The following HIKESHI variants were observed in gnomAD, a reference collection of about 807,000 sequenced individuals.
HIKESHI encodes heat shock protein nuclear import factor hikeshi, also known as protein Hikeshi.
Under a neutral mutation model 25.7 loss-of-function variants are expected in HIKESHI, and 13 were observed. The ratio of observed to expected loss-of-function variants is 0.51; its 90% confidence interval spans 0.33 to 0.80. HIKESHI has a LOEUF of 0.80. HIKESHI is among the 30% of genes least tolerant of loss of function. HIKESHI has a pLI of 0.02. For synonymous variants in HIKESHI, 76 were observed against 78.7 expected, an observed-to-expected ratio of 0.97 and a Z score of 0.18; for missense variants, 174 against 229.5, an observed-to-expected ratio of 0.76 and a Z score of 1.56.
chr11:86,345,145 G>C (rs1175965454), intron 4 of HIKESHI: 2 of 1,042,458 alleles, frequency 1.9e-6, no homozygotes, highest in Non-Finnish European at 2.3e-6. Context: ...CCTAGGAAGA[G>C]TTTGTTGAGA....
At chr11:86,315,942 A>G (rs1593825484) in intron 2 of HIKESHI, among the ~76,000 whole-genome samples, 1 of 151,978 alleles carries the variant, frequency 6.6e-6, no homozygotes, top group East Asian at 1.9e-4. Context: ...TAAAAAGGAG[A>G]GTAATAATAT....
intron 2 of HIKESHI, among the ~76,000 whole-genome samples, chr11:86,310,598 T>G (rs1946810263): frequency 6.6e-6 from 1 of 152,206 alleles, no homozygotes; most frequent in South Asian, 2.1e-4. Context: ...TCCAACACTA[T>G]GTTGAATAGG....
At chr11:86,316,276 C>G (rs943583165) in intron 2 of HIKESHI, among the ~76,000 whole-genome samples, 1 of 151,316 alleles carries the variant, frequency 6.6e-6, no homozygotes, top group Middle Eastern at 3.4e-3. Flanking sequence ...TTTGGGAGGC[C>G]AAGGTAGGTG....
chr11:86,310,329 T>A (rs1946800535), intron 2 of HIKESHI, among the ~76,000 whole-genome samples: 1 of 151,952 alleles, frequency 6.6e-6, no homozygotes, highest in Admixed American at 6.6e-5. Context: ...TTTGAAGCAA[T>A]TGTGAATGGG....
intron 3 of HIKESHI, among the ~76,000 whole-genome samples, chr11:86,340,405 C>T (rs1160347954): frequency 6.6e-6 from 1 of 152,184 alleles, no homozygotes; most frequent in African/African-American, 2.4e-5. Flanking sequence ...ACATCCTCTC[C>T]AGCATCTGTT....
chr11:86,308,407 A>T (rs1210883690), intron 2 of HIKESHI, among the ~76,000 whole-genome samples: 1 of 144,970 alleles, frequency 6.9e-6, no homozygotes, highest in Non-Finnish European at 1.5e-5. Flanking sequence ...ACACACATAC[A>T]CGTGCTAAGT....
chr11:86,311,132 G>A lies in HIKESHI; in HGVS notation c.268+4650G>A, dbSNP rs111699983. 6.4e-3 allele frequency among the ~76,000 whole-genome samples: 979 copies of A among 152,214 alleles called. 13 individuals carry two copies. Among genetic ancestry groups the A allele is most frequent in the African/African-American group, 0.022 (901 of 41,532 alleles). On this transcript the variant is annotated intron_variant, in intron 2 of 4. Coordinates refer to ENST00000278483, the MANE Select transcript of HIKESHI (RefSeq NM_016401.4). The stretch of plus-strand genomic sequence containing the variant: ...ATTGATTGGAATATTTTCAGATGGA[G>A]TGGTACCAGCTATTCTTTGTACCTC...
chr11:86,312,298 C>A (rs959608098), intron 2 of HIKESHI, among the ~76,000 whole-genome samples: 5 of 152,052 alleles, frequency 3.3e-5, no homozygotes, highest in African/African-American at 1.2e-4. Context: ...TGTATTGATC[C>A]CTTTACCATT....
intron 2 of HIKESHI, among the ~76,000 whole-genome samples, chr11:86,330,165 A>G (rs1049187982): frequency 9.9e-5 from 15 of 152,112 alleles, no homozygotes; most frequent in African/African-American, 3.6e-4. Flanking sequence ...TACAATATAC[A>G]TTGTTAACTT....
intron 2 of HIKESHI, among the ~76,000 whole-genome samples, chr11:86,323,384 A>T (rs1661941472): frequency 6.6e-6 from 1 of 152,236 alleles, no homozygotes; most frequent in South Asian, 2.1e-4. Flanking sequence ...GAAAGATTAA[A>T]TAAATACTTA....
intron 2 of HIKESHI, among the ~76,000 whole-genome samples, chr11:86,322,890 A>G (rs1368983411): frequency 3.3e-5 from 5 of 152,182 alleles, no homozygotes; most frequent in Non-Finnish European, 5.9e-5. Context: ...ATCATCAAGC[A>G]TGTTCTCTTG....
At chr11:86,325,126 C>G (rs1947240512) in intron 2 of HIKESHI, among the ~76,000 whole-genome samples, 1 of 151,358 alleles carries the variant, frequency 6.6e-6, no homozygotes, top group African/African-American at 2.4e-5. Context: ...TGCAGTGAGC[C>G]AAGATCGCAC....
chr11:86,342,418 G>A (rs1458074393), intron 3 of HIKESHI, among the ~76,000 whole-genome samples: 1 of 151,714 alleles, frequency 6.6e-6, no homozygotes, highest in Non-Finnish European at 1.5e-5. Context: ...GTGGATTTGT[G>A]GGTTTTTTAA....
At chr11:86,319,217 A>AATATAT (rs139667221) in intron 2 of HIKESHI, among the ~76,000 whole-genome samples, 110 of 115,026 alleles carry the variant, frequency 9.6e-4, no homozygotes, top group Non-Finnish European at 1.3e-3. Flanking sequence ...CTGGCTTAAA[A>AATATAT]ATATATATAT....
chr11:86,330,899 T>TA (rs1479350755), intron 2 of HIKESHI, among the ~76,000 whole-genome samples: 1 of 152,158 alleles, frequency 6.6e-6, no homozygotes, highest in Non-Finnish European at 1.5e-5. Context: ...GGTTTCCACT[T>TA]ATAACAACAT....
chr11:86,317,181 A>T (rs1480095919), intron 2 of HIKESHI, among the ~76,000 whole-genome samples: 3 of 152,194 alleles, frequency 2.0e-5, no homozygotes, highest in Non-Finnish European at 4.4e-5. Flanking sequence ...TAGATTAGGC[A>T]GAAGTATTAT....
At chr11:86,310,162 G>A (rs956309297) in intron 2 of HIKESHI, among the ~76,000 whole-genome samples, 2 of 147,398 alleles carry the variant, frequency 1.4e-5, no homozygotes, top group Non-Finnish European at 3.0e-5. Context: ...TGGGCAGTAT[G>A]GCCATTTTCA....
chr11:86,339,174 T>C (rs1390920250), intron 3 of HIKESHI, among the ~76,000 whole-genome samples: 1 of 152,066 alleles, frequency 6.6e-6, no homozygotes, highest in Non-Finnish European at 1.5e-5. Flanking sequence ...GCCTCCCAAG[T>C]AGCTGGGACT....
At chr11:86,321,207 A>C (rs1217923372) in intron 2 of HIKESHI, among the ~76,000 whole-genome samples, 1 of 152,160 alleles carries the variant, frequency 6.6e-6, no homozygotes, top group Non-Finnish European at 1.5e-5. Flanking sequence ...TACTGGGATT[A>C]TAGGTGTTAG....
Sources: gnomAD v4.1 joint callset for allele counts (sites outside exome capture counted in the v4.1 genomes callset) on GRCh38, gnomAD v4.1.1 for gene constraint, MANE v1.5 for transcripts, NCBI Gene and HGNC (gene_info 2026-07-23, HGNC 2026-07-21) for gene names.